CCDC171: variants seen among roughly 807,000 people sequenced by gnomAD.
The protein encoded by CCDC171 is coiled-coil domain-containing protein 171.
Under a neutral mutation model 168.2 loss-of-function variants are expected in CCDC171, and 177 were observed. The observed-to-expected ratio is 1.05, with a 90% CI of 0.93 to 1.19. The LOEUF (loss-of-function observed/expected upper bound fraction) is 1.19, where lower values mean the gene tolerates loss of function less well. Among genes scored for constraint, CCDC171 ranks in the 50% most tolerant of loss-of-function variants. CCDC171 has a pLI of 0.00. For missense variants in CCDC171, 1,991 were observed against 1,539.0 expected (o/e 1.29, Z -4.91); for synonymous variants, 687 against 540.8 (o/e 1.27, Z -3.75).
chr9:15,799,134 C>CTATATATATATA (rs1564428726), intron 21 of CCDC171, among the ~76,000 whole-genome samples: 1 of 16,150 alleles, frequency 6.2e-5, no homozygotes, highest in East Asian at 1.8e-3. Context: ...TTCATCATTG[C>CTATATATATATA]CATATATATA....
chr9:15,727,124 C>T (rs1335955736), intron 14 of CCDC171, among the ~76,000 whole-genome samples: 7 of 152,094 alleles, frequency 4.6e-5, no homozygotes, highest in Middle Eastern at 3.4e-3. Flanking sequence ...TGGACATTTT[C>T]GAAAGTATGT....
At chr9:15,825,374 G>C (rs1563816160) in intron 21 of CCDC171, among the ~76,000 whole-genome samples, 1 of 152,064 alleles carries the variant, frequency 6.6e-6, no homozygotes, top group African/African-American at 2.4e-5. Context: ...ATTCTCATGA[G>C]GATCCTGAGT....
intron 21 of CCDC171, among the ~76,000 whole-genome samples, chr9:15,800,808 T>C (rs1391512347): frequency 6.6e-6 from 1 of 151,976 alleles, no homozygotes; most frequent in African/African-American, 2.4e-5. Flanking sequence ...GAGATAAGGG[T>C]CTAGTTTCAT....
chr9:15,565,629 C>T (rs2039669748), intron 2 of CCDC171, among the ~76,000 whole-genome samples: 1 of 152,160 alleles, frequency 6.6e-6, no homozygotes, highest in Non-Finnish European at 1.5e-5. Context: ...AATAGATGGT[C>T]TTTTGTGGCT....
At chr9:15,759,535 A>G (rs1588340362) in intron 18 of CCDC171, among the ~76,000 whole-genome samples, 2 of 152,216 alleles carry the variant, frequency 1.3e-5, no homozygotes, top group Non-Finnish European at 2.9e-5. Flanking sequence ...TATGTGTTGC[A>G]TTTAGTCATG....
chr9:15,796,205 A>G (rs559745242), intron 21 of CCDC171, among the ~76,000 whole-genome samples: 1 of 152,212 alleles, frequency 6.6e-6, no homozygotes, highest in Non-Finnish European at 1.5e-5. Context: ...AGTCATGGAG[A>G]TTATGAACTC....
At chr9:15,851,803 G>T (rs1238638308) in intron 23 of CCDC171, among the ~76,000 whole-genome samples, 2 of 151,766 alleles carry the variant, frequency 1.3e-5, no homozygotes, top group Non-Finnish European at 2.9e-5. Context: ...TTCTGTTCTG[G>T]ACATTTAATG....
chr9:15,897,155 G>C lies in CCDC171; in HGVS notation c.3600+22492G>C, dbSNP rs117703845. On this transcript the variant is annotated intron_variant, in intron 24 of 25. Coordinates refer to ENST00000380701, the MANE Select transcript of CCDC171 (RefSeq NM_173550.4). ...TGTGGGCAGGATTTGGGATATCACT[G>C]TCTTGGTATTTTGCTTGTCAAGTCC... Among the ~76,000 whole-genome samples the C allele has an allele frequency of 3.9e-5, 6 of 152,166 alleles. No homozygotes were observed. The East Asian group carries it at 1.2e-3, about 29-fold the overall frequency.
intron 23 of CCDC171, among the ~76,000 whole-genome samples, chr9:15,863,504 T>C (rs533796208): frequency 6.6e-6 from 1 of 152,024 alleles, no homozygotes; most frequent in Non-Finnish European, 1.5e-5. Context: ...TGACACATTT[T>C]TTTTTTCTAA....
chr9:15,640,253 C>G (rs1011452249), intron 7 of CCDC171, among the ~76,000 whole-genome samples: 5 of 152,014 alleles, frequency 3.3e-5, no homozygotes, highest in Non-Finnish European at 7.4e-5. Flanking sequence ...AATTCACTTC[C>G]AAGACCAGTT....
In CCDC171 at chr9:15,784,062, G is replaced by T. The variant is rs150887312; in HGVS notation, c.3082-447G>T. Reference sequence around the variant, plus strand: ...TGGTATAATAGAGTGATTGGGAGTTGGAGAGGTGTAGTCATGTAAGACCTG... The same window carrying T: ...TGGTATAATAGAGTGATTGGGAGTTTGAGAGGTGTAGTCATGTAAGACCTG... On this transcript the variant is annotated intron_variant, in intron 20 of 25. Transcript: ENST00000380701. 1.4e-3 allele frequency among the ~76,000 whole-genome samples: 220 copies of T among 152,256 alleles called. 1 individual carries two copies. Among genetic ancestry groups the T allele is most frequent in the African/African-American group, 5.2e-3 (215 of 41,548 alleles).
At chr9:15,560,183 G>A (rs1471818747) in intron 1 of CCDC171, among the ~76,000 whole-genome samples, 2 of 152,042 alleles carry the variant, frequency 1.3e-5, no homozygotes. Flanking sequence ...TTTCAACTTT[G>A]GTGAATCTGA....
chr9:15,662,482 TC>T (rs1293565815), intron 8 of CCDC171, among the ~76,000 whole-genome samples: 1 of 152,126 alleles, frequency 6.6e-6, no homozygotes, highest in African/African-American at 2.4e-5. Context: ...CACACAGAGT[TC>T]CGTAACTTTT....
At chr9:15,914,582 T>A (rs1824215581) in intron 24 of CCDC171, among the ~76,000 whole-genome samples, 1 of 152,120 alleles carries the variant, frequency 6.6e-6, no homozygotes, top group Admixed American at 6.5e-5. Flanking sequence ...GCTTGCTGGG[T>A]TCCATGGGGG....
At chr9:15,692,061 G>A (rs563490026) in intron 10 of CCDC171, among the ~76,000 whole-genome samples, 4 of 152,294 alleles carry the variant, frequency 2.6e-5, no homozygotes, top group African/African-American at 9.6e-5. Context: ...GCAACAACTT[G>A]CATGTATATC....
At chr9:15,560,211 G>A (rs2039171999) in intron 1 of CCDC171, among the ~76,000 whole-genome samples, 1 of 152,020 alleles carries the variant, frequency 6.6e-6, no homozygotes, top group African/African-American at 2.4e-5. Flanking sequence ...GTGTCTTGGA[G>A]TTGCTCTTCT....
intron 4 of CCDC171, among the ~76,000 whole-genome samples, chr9:15,586,230 C>T (rs555402423): frequency 1.3e-5 from 2 of 152,170 alleles, no homozygotes; most frequent in Admixed American, 6.5e-5. Flanking sequence ...GCAAATATGG[C>T]AAAATGTTAA....
intron 13 of CCDC171, among the ~76,000 whole-genome samples, chr9:15,724,179 A>G (rs942453952): frequency 2.6e-5 from 4 of 152,202 alleles, no homozygotes; most frequent in Non-Finnish European, 5.9e-5. Flanking sequence ...GCCCAGGACT[A>G]TAGTTTATTT....
At chr9:15,739,656 A>T (rs2054722006) in intron 16 of CCDC171, among the ~76,000 whole-genome samples, 1 of 152,210 alleles carries the variant, frequency 6.6e-6, no homozygotes, top group Admixed American at 6.5e-5. Context: ...TAGAGAAATA[A>T]TAGGTCTCAC....
Sources: gnomAD v4.1 joint callset for allele counts (sites outside exome capture counted in the v4.1 genomes callset) on GRCh38, gnomAD v4.1.1 for gene constraint, MANE v1.5 for transcripts, NCBI Gene and HGNC (gene_info 2026-07-23, HGNC 2026-07-21) for gene names.